TGFBR3: variants seen among roughly 807,000 people sequenced by gnomAD.
TGFBR3 encodes the protein transforming growth factor beta receptor type 3.
In TGFBR3, 46 loss-of-function variants were observed where a neutral mutation model predicts 87.9. That is an observed-to-expected ratio of 0.52 (90% CI 0.41 to 0.67). TGFBR3 has a LOEUF of 0.67. TGFBR3 is among the 30% of genes least tolerant of loss of function. The pLI is 0.00. For synonymous variants in TGFBR3, 381 were observed against 391.6 expected (o/e 0.97, Z 0.32); for missense variants, 866 against 1,041.9 (o/e 0.83, Z 2.32).
At chr1:91,821,045 T>G (rs189361006) in intron 2 of TGFBR3, among the ~76,000 whole-genome samples, 22 of 151,844 alleles carry the variant, frequency 1.4e-4, no homozygotes, top group African/African-American at 5.3e-4. Flanking sequence ...AAAGTAATAG[T>G]AATGGCCGGG....
At chr1:91,820,022 T>C (rs1437312307) in intron 2 of TGFBR3, among the ~76,000 whole-genome samples, 3 of 152,194 alleles carry the variant, frequency 2.0e-5, no homozygotes, top group Non-Finnish European at 4.4e-5. Context: ...TATGAGATTA[T>C]TATAAGACTC....
chr1:91,700,353 A>T (rs1671578354), intron 14 of TGFBR3, among the ~76,000 whole-genome samples: 1 of 152,230 alleles, frequency 6.6e-6, no homozygotes, highest in Non-Finnish European at 1.5e-5. Flanking sequence ...TGTGACCCAA[A>T]CAAGCAGCAT....
intron 3 of TGFBR3, among the ~76,000 whole-genome samples, chr1:91,772,743 A>G (rs1035381238): frequency 2.6e-5 from 4 of 152,188 alleles, no homozygotes; most frequent in African/African-American, 9.7e-5. Context: ...ACAAGTTACC[A>G]TTGTAGAATG....
chr1:91,730,280 C>T (rs1297949090), intron 5 of TGFBR3, among the ~76,000 whole-genome samples: 1 of 152,186 alleles, frequency 6.6e-6, no homozygotes, highest in African/African-American at 2.4e-5. Context: ...ATCTCTTCCA[C>T]TGGTTCCTCC....
In TGFBR3 at chr1:91,708,697, G is replaced by A. The variant is rs1458989546; in HGVS notation, c.2253C>T (p.Pro751=). The A allele has an allele frequency of 1.9e-6, 3 of 1,614,080 alleles. No homozygotes were observed. Among genetic ancestry groups the A allele is most frequent in the Middle Eastern group, 1.7e-4 (1 of 6,060 alleles). ...MMQNKKTFTK[P]LAVIHHEAES... is the part of the protein sequence containing the mutation. ...CTGCTTCATGGTGGATCACAGCAAG[G>A]GGCTTAGTGAACGTCTTCTTATTCT... Residue 751 remains proline (P), a synonymous_variant, in exon 14 of 17, where the codon CCC becomes CCT. Coordinates refer to ENST00000212355, the MANE Select transcript of TGFBR3 (RefSeq NM_003243.5).
chr1:91,868,874 C>T (rs1678482282), intron 1 of TGFBR3, among the ~76,000 whole-genome samples: 2 of 152,132 alleles, frequency 1.3e-5, no homozygotes, highest in South Asian at 4.1e-4. Context: ...GCATGTGAAA[C>T]ACTAAGAATT....
intron 1 of TGFBR3, among the ~76,000 whole-genome samples, chr1:91,882,040 A>AAAATAAATAAAT (rs61260637): frequency 0.025 from 3,677 of 146,396 alleles, 55 homozygotes; most frequent in Non-Finnish European, 0.029. Context: ...CTTTGTCTCA[A>AAAATAAATAAAT]AAATAAATAA....
chr1:91,792,744 G>T (rs1675241791), intron 3 of TGFBR3, among the ~76,000 whole-genome samples: 1 of 152,214 alleles, frequency 6.6e-6, no homozygotes, highest in Admixed American at 6.5e-5. Flanking sequence ...GGGGGCGGCT[G>T]CATTTTACTT....
intron 2 of TGFBR3, among the ~76,000 whole-genome samples, chr1:91,856,416 C>T (rs1182493441): frequency 6.6e-6 from 1 of 151,986 alleles, no homozygotes; most frequent in African/African-American, 2.4e-5. Flanking sequence ...ATGGATATCC[C>T]CCGACCCACC....
intron 5 of TGFBR3, among the ~76,000 whole-genome samples, chr1:91,731,563 T>C (rs1019827963): frequency 5.3e-5 from 8 of 152,216 alleles, no homozygotes; most frequent in African/African-American, 1.9e-4. Context: ...ACCGTGCAGC[T>C]GCAGCCCTGC....
intron 4 of TGFBR3, among the ~76,000 whole-genome samples, chr1:91,753,418 A>AAAAAAT (rs1673626460): frequency 5.9e-5 from 8 of 135,488 alleles, no homozygotes; most frequent in African/African-American, 2.1e-4. Context: ...AAAAAAAAAA[A>AAAAAAT]GTGCTGCAGC....
intron 3 of TGFBR3, among the ~76,000 whole-genome samples, chr1:91,793,265 T>C (rs1476817101): frequency 6.6e-6 from 1 of 152,194 alleles, no homozygotes; most frequent in Non-Finnish European, 1.5e-5. Context: ...GGTAGGAATT[T>C]ATTAATAGTA....
chr1:91,785,404 T>C (rs541612860), intron 3 of TGFBR3, among the ~76,000 whole-genome samples: 332 of 152,324 alleles, frequency 2.2e-3, no homozygotes, highest in African/African-American at 7.6e-3. Context: ...TGTTGTAAAA[T>C]TAGATTATGG....
intron 2 of TGFBR3, among the ~76,000 whole-genome samples, chr1:91,856,243 C>T (rs937003444): frequency 2.0e-5 from 3 of 151,994 alleles, no homozygotes. Flanking sequence ...TGTTTTTGTA[C>T]TTTTAGTAGA....
At chr1:91,861,735 A>T (rs1678203155) in intron 1 of TGFBR3, 91 bp from the exon 2 acceptor site, 1 of 612,790 alleles carries the variant, frequency 1.6e-6, no homozygotes. Context: ...TGAAAAGCGT[A>T]ATGTAAGAAA....
chr1:91,684,597 C>T (rs531622823), intron 16 of TGFBR3, among the ~76,000 whole-genome samples: 1 of 152,246 alleles, frequency 6.6e-6, no homozygotes, highest in South Asian at 2.1e-4. Context: ...CACCCCACTG[C>T]ATTTTAGCTA....
intron 2 of TGFBR3, among the ~76,000 whole-genome samples, chr1:91,838,946 A>T (rs889133144): frequency 1.3e-5 from 2 of 152,178 alleles, no homozygotes; most frequent in Non-Finnish European, 2.9e-5. Context: ...CAGTATATGC[A>T]GTTGGAAGTT....
chr1:91,740,914 T>C (rs1194488697), intron 4 of TGFBR3, among the ~76,000 whole-genome samples: 1 of 151,832 alleles, frequency 6.6e-6, no homozygotes, highest in African/African-American at 2.4e-5. Flanking sequence ...TGAGAAAGGG[T>C]TGCAATCATC....
At chr1:91,721,818 C>T in intron 8 of TGFBR3, 137 bp downstream of exon 8, 1 of 784,350 alleles carries the variant, frequency 1.3e-6, no homozygotes, top group Non-Finnish European at 2.0e-6. Flanking sequence ...AATTTTAAGC[C>T]TTCTGATAAA....
Sources: allele counts gnomAD v4.1 joint callset (sites outside exome capture counted in the v4.1 genomes callset), GRCh38; gene constraint gnomAD v4.1.1; transcripts MANE v1.5; gene names NCBI Gene and HGNC (gene_info 2026-07-23, HGNC 2026-07-21).